The following DACH2 variants were observed in gnomAD, a reference collection of about 807,000 sequenced individuals.
DACH2 encodes dachshund family transcription factor 2.
In DACH2, 17 loss-of-function variants were observed where a neutral mutation model predicts 35.8. The observed-to-expected ratio is 0.48, with a 90% CI of 0.33 to 0.71. DACH2 has a LOEUF of 0.71. Among genes scored for constraint, DACH2 ranks in the 30% least tolerant of loss-of-function variants. The pLI is 0.02. For missense variants in DACH2, 469 were observed against 472.7 expected (o/e 0.99, Z 0.07); for synonymous variants, 195 against 177.3 (o/e 1.10, Z -0.79).
intron 1 of DACH2, among the ~76,000 whole-genome samples, chrX:86,309,303 G>C (rs1340565880): frequency 2.7e-5 from 3 of 112,167 alleles, no homozygotes. Context: ...GATGTGGTTT[G>C]ATTGCTTGAG....
At chrX:86,213,614 C>G (rs1012268771) in intron 1 of DACH2, among the ~76,000 whole-genome samples, 2 of 110,721 alleles carry the variant, frequency 1.8e-5, no homozygotes, top group Non-Finnish European at 3.8e-5. Context: ...TCTTTGATTT[C>G]TCTTCATTTG....
Position 86,194,526 on chromosome X carries a change from C to T in DACH2, c.488+45418C>T, listed in dbSNP as rs775004167. On this transcript the variant is annotated intron_variant, in intron 1 of 11. Transcript: ENST00000373125. ...AACCTGGAAACCCTGCACCAGGCTACTGCACACTAGGACTCATTTCTGGCC... is the reference window on the plus strand; with the variant it reads ...AACCTGGAAACCCTGCACCAGGCTATTGCACACTAGGACTCATTTCTGGCC... Among the ~76,000 whole-genome samples the T allele has an allele frequency of 6.4e-4, 72 of 112,111 alleles. 1 individual carries two copies. Among genetic ancestry groups the T allele is most frequent in the Admixed American group, 2.5e-3 (27 of 10,596 alleles).
chrX:86,524,933 G>T (rs2038610040), intron 3 of DACH2, among the ~76,000 whole-genome samples: 1 of 111,259 alleles, frequency 9.0e-6, no homozygotes, highest in Admixed American at 9.6e-5. Context: ...TTTAATGTCT[G>T]TATATGTATA....
intron 4 of DACH2, among the ~76,000 whole-genome samples, chrX:86,680,652 C>CTTTTTT (rs1195400316): frequency 6.1e-5 from 5 of 82,325 alleles, no homozygotes; most frequent in Middle Eastern, 5.7e-3. Flanking sequence ...TGACTCATTT[C>CTTTTTT]TTTTTTTTTT....
intron 2 of DACH2, among the ~76,000 whole-genome samples, chrX:86,421,685 A>G (rs2036805172): frequency 9.0e-6 from 1 of 111,535 alleles, no homozygotes; most frequent in Non-Finnish European, 1.9e-5. Flanking sequence ...AATTTTAAAA[A>G]CCTTTTGTAG....
chrX:86,524,583 A>G (rs2038604845), intron 3 of DACH2, among the ~76,000 whole-genome samples: 1 of 112,388 alleles, frequency 8.9e-6, no homozygotes, highest in Non-Finnish European at 1.9e-5. Flanking sequence ...TAAACACATC[A>G]GCTTAATAAT....
At chrX:86,274,955 A>G (rs998929636) in intron 1 of DACH2, among the ~76,000 whole-genome samples, 1 of 111,967 alleles carries the variant, frequency 8.9e-6, no homozygotes, top group African/African-American at 3.3e-5. Flanking sequence ...AAAGGATTTG[A>G]AGCTTGAGGA....
At chrX:86,215,543 T>C (rs1329061619) in intron 1 of DACH2, among the ~76,000 whole-genome samples, 1 of 111,686 alleles carries the variant, frequency 9.0e-6, no homozygotes, top group Non-Finnish European at 1.9e-5. Context: ...TAAAAGAGCA[T>C]GGCATAAAAA....
At chrX:86,650,349 T>C (rs1000075574) in intron 3 of DACH2, among the ~76,000 whole-genome samples, 1 of 111,304 alleles carries the variant, frequency 9.0e-6, no homozygotes, top group African/African-American at 3.3e-5. Context: ...GATAAAAAGG[T>C]AGAAAGAATA....
At chrX:86,656,393 A>G (rs938885913) in intron 4 of DACH2, among the ~76,000 whole-genome samples, 7 of 111,266 alleles carry the variant, frequency 6.3e-5, no homozygotes, top group African/African-American at 2.0e-4. Flanking sequence ...TTGAAGCATG[A>G]GAAATTGGCC....
chrX:86,516,521 T>C (rs2148272664), intron 3 of DACH2, among the ~76,000 whole-genome samples: 1 of 111,604 alleles, frequency 9.0e-6, no homozygotes, highest in South Asian at 3.8e-4. Context: ...ATTTTTAAGG[T>C]AAACAATCTA....
At chrX:86,426,995 TATTTAGA>T (rs1262836547) in intron 2 of DACH2, among the ~76,000 whole-genome samples, 1 of 112,287 alleles carries the variant, frequency 8.9e-6, no homozygotes, top group Non-Finnish European at 1.9e-5. Flanking sequence ...ACCATTAAAG[TATTTAGA>T]ATACATCCTT....
chrX:86,832,020 G>T (rs182865671), intron 11 of DACH2, 86 bp from the exon 12 acceptor site: 1 of 605,340 alleles, frequency 1.7e-6, no homozygotes, highest in African/African-American at 2.3e-5. Context: ...ATCATTTTAG[G>T]TTCCTGAAGA....
chrX:86,348,703 C>T (rs1363427592), intron 1 of DACH2, among the ~76,000 whole-genome samples: 1 of 112,183 alleles, frequency 8.9e-6, no homozygotes, highest in Non-Finnish European at 1.9e-5. Context: ...GTGGACATAA[C>T]TTATGTTAAC....
chrX:86,242,419 CG>C (rs898064528), intron 1 of DACH2, among the ~76,000 whole-genome samples: 6 of 112,058 alleles, frequency 5.4e-5, no homozygotes, highest in African/African-American at 1.9e-4. Flanking sequence ...CCAATTTCTC[CG>C]TTTTGGAATG....
chrX:86,513,046 AAAAAT>A, intron 2 of DACH2: 1 of 228,581 alleles, frequency 4.4e-6, no homozygotes, highest in Non-Finnish European at 8.3e-6. Flanking sequence ...ACAGTGTATG[AAAAAT>A]GAACTGGGTA....
At chrX:86,254,417 T>C (rs2033460870) in intron 1 of DACH2, among the ~76,000 whole-genome samples, 2 of 110,635 alleles carry the variant, frequency 1.8e-5, no homozygotes, top group Non-Finnish European at 3.8e-5. Flanking sequence ...TGTGATGCTC[T>C]CTTTCTCTTT....
intron 2 of DACH2, among the ~76,000 whole-genome samples, chrX:86,427,161 T>A (rs989233054): frequency 9.0e-6 from 1 of 111,634 alleles, no homozygotes; most frequent in Non-Finnish European, 1.9e-5. Context: ...CTGCCCTTTA[T>A]CTATAAAGAC....
chrX:86,378,687 A>G (rs1297873051), intron 2 of DACH2, among the ~76,000 whole-genome samples: 1 of 111,402 alleles, frequency 9.0e-6, no homozygotes, highest in African/African-American at 3.2e-5. Flanking sequence ...GATATAGCCC[A>G]TGGGCTGTCA....
Sources: allele counts gnomAD v4.1 joint callset (sites outside exome capture counted in the v4.1 genomes callset), GRCh38; gene constraint gnomAD v4.1.1; transcripts MANE v1.5; gene names NCBI Gene and HGNC (gene_info 2026-07-23, HGNC 2026-07-21).